RAC1: variants seen among roughly 807,000 people sequenced by gnomAD.
RAC1 encodes the protein ras-related C3 botulinum toxin substrate 1.
In RAC1, 2 loss-of-function variants were observed where a neutral mutation model predicts 25.2. That is an observed-to-expected ratio of 0.08 (90% CI 0.03 to 0.25). The LOEUF (loss-of-function observed/expected upper bound fraction) is 0.25, where lower values mean the gene tolerates loss of function less well. RAC1 is among the 10% of genes least tolerant of loss of function. The probability of loss-of-function intolerance (pLI) is 1.00; values close to 1 mark genes in which losing one functional copy is unlikely to be tolerated. For missense variants in RAC1, 50 were observed against 235.7 expected, an observed-to-expected ratio of 0.21 and a Z score of 5.16; for synonymous variants, 88 against 94.0, an observed-to-expected ratio of 0.94 and a Z score of 0.37.
At chr7:6,382,241 C>T (rs190136501) in intron 1 of RAC1, among the ~76,000 whole-genome samples, 2 of 152,262 alleles carry the variant, frequency 1.3e-5, no homozygotes, top group South Asian at 2.1e-4. Context: ...GTGATCCACC[C>T]GCCTTGGCCT....
chr7:6,401,380 T>C (rs910003774), intron 4 of RAC1, among the ~76,000 whole-genome samples: 2 of 152,208 alleles, frequency 1.3e-5, no homozygotes, highest in Non-Finnish European at 2.9e-5. Flanking sequence ...CCAGTCTCTT[T>C]CACAAACTTC....
chr7:6,381,647 G>T (rs1196531060), intron 1 of RAC1, among the ~76,000 whole-genome samples: 1 of 152,080 alleles, frequency 6.6e-6, no homozygotes, highest in Non-Finnish European at 1.5e-5. Flanking sequence ...CGCCCACCTT[G>T]CCCTCCTAAA....
intron 1 of RAC1, among the ~76,000 whole-genome samples, chr7:6,384,669 C>G (rs1007906319): frequency 2.6e-5 from 4 of 152,086 alleles, no homozygotes; most frequent in Non-Finnish European, 5.9e-5. Flanking sequence ...CAAGGTCTCC[C>G]TATGTTGCCC....
At chr7:6,384,072 T>C (rs1026559002) in intron 1 of RAC1, among the ~76,000 whole-genome samples, 1 of 151,922 alleles carries the variant, frequency 6.6e-6, no homozygotes, top group Non-Finnish European at 1.5e-5. Context: ...TGGGATTACA[T>C]GTGTGAGCCA....
intron 3 of RAC1, among the ~76,000 whole-genome samples, chr7:6,393,238 A>G (rs1783137396): frequency 6.6e-6 from 1 of 152,248 alleles, no homozygotes; most frequent in Non-Finnish European, 1.5e-5. Context: ...AGTCTGCTGT[A>G]TTAAAAATCA....
At chr7:6,380,756 A>G (rs1432270428) in intron 1 of RAC1, among the ~76,000 whole-genome samples, 1 of 152,186 alleles carries the variant, frequency 6.6e-6, no homozygotes, top group African/African-American at 2.4e-5. Flanking sequence ...ATTCTATGAC[A>G]GTATTTTGCT....
intron 3 of RAC1, among the ~76,000 whole-genome samples, chr7:6,395,408 A>G (rs550773124): frequency 3.9e-5 from 6 of 152,208 alleles, no homozygotes; most frequent in Non-Finnish European, 8.8e-5. Flanking sequence ...GCCAGAGAGC[A>G]CCAGGCACAC....
In RAC1 at chr7:6,387,301, G is replaced by A. The variant is rs557770932; in HGVS notation, c.107+18G>A. The stretch of plus-strand genomic sequence containing the variant: ...CCTACTGTGTAAGTATCTTAAATTG[G>A]GAATTAACCTGTTTGTGTTACGGGT... On this transcript the variant is annotated intron_variant, in intron 2 of 5. Coordinates refer to ENST00000348035, the MANE Select transcript of RAC1 (RefSeq NM_006908.5). 3.3e-6 allele frequency: 5 copies of A among 1,493,066 alleles called. No individual in the cohort carries two copies. The highest frequency in any genetic ancestry group is 3.6e-6 in the Non-Finnish European group (4 of 1,097,202). 92.5% of individuals were successfully genotyped at this position (1,493,066 alleles called of 1,614,324 possible).
chr7:6,379,637 T>C (rs1463492670), intron 1 of RAC1, among the ~76,000 whole-genome samples: 2 of 152,230 alleles, frequency 1.3e-5, no homozygotes, highest in African/African-American at 2.4e-5. Context: ...TTCGAACTCC[T>C]GACCTTAGGC....
At chr7:6,381,015 C>T (rs1011064982) in intron 1 of RAC1, among the ~76,000 whole-genome samples, 3 of 151,674 alleles carry the variant, frequency 2.0e-5, no homozygotes, top group Admixed American at 6.6e-5. Flanking sequence ...CTTACAGGCA[C>T]CCACCACCAT....
intron 1 of RAC1, among the ~76,000 whole-genome samples, chr7:6,383,139 A>G (rs555417063): frequency 2.0e-5 from 3 of 152,190 alleles, no homozygotes; most frequent in African/African-American, 7.2e-5. Context: ...GAAATTCCAA[A>G]GAAGTAGTAA....
intron 5 of RAC1, 120 bp from the exon 6 acceptor site, chr7:6,402,195 TG>T: frequency 6.8e-7 from 1 of 1,475,520 alleles, no homozygotes; most frequent in Non-Finnish European, 9.1e-7. Flanking sequence ...CGTTGGAAGG[TG>T]GAAGCAGGGC....
chr7:6,375,024 C>T (rs1172086735), intron 1 of RAC1, among the ~76,000 whole-genome samples: 1 of 151,774 alleles, frequency 6.6e-6, no homozygotes, highest in Non-Finnish European at 1.5e-5. Context: ...AAAGTGAACT[C>T]CACCCTCCGG....
intron 1 of RAC1, among the ~76,000 whole-genome samples, chr7:6,383,793 T>C (rs1782841482): frequency 1.3e-5 from 1 of 77,252 alleles, no homozygotes; most frequent in South Asian, 4.1e-4. Flanking sequence ...TCTTTTTTTT[T>C]TTTTTTTTTT....
Position 6,402,526 on chromosome 7 carries a change from A to AAAAAAAAAAAAC in RAC1, c.*83_*94dup, listed in dbSNP as rs1783441697. 6 of 703,932 alleles carry AAAAAAAAAAAAC rather than the reference A, an allele frequency of 8.5e-6. No homozygotes were observed. The highest frequency in any genetic ancestry group is 2.3e-5 in the African/African-American group (1 of 44,298). 43.6% of individuals were successfully genotyped at this position (703,932 alleles called of 1,614,324 possible). On this transcript the variant is annotated 3_prime_UTR_variant, in exon 6 of 6. Transcript: ENST00000348035. ...TCAAAAAAAAACAAAAAAAAAAAAC[A>AAAAAAAAAAAAC]AAAAAAAAAAACAACGGTGGAGCCT...
rs976621022 is a variant in RAC1 at position 6,403,621 on chromosome 7, TTAAACTATGAACC to T, written c.*1177_*1189del. On this transcript the variant is annotated 3_prime_UTR_variant, in exon 6 of 6. Coordinates refer to ENST00000348035, the MANE Select transcript of RAC1 (RefSeq NM_006908.5). ...GTTTTTAAAATATTTTAGATAATTCTTAAACTATGAACCTTCTTAACATCACTGTCTTGCCAGA... is the reference window on the plus strand; with the variant it reads ...GTTTTTAAAATATTTTAGATAATTCTTTCTTAACATCACTGTCTTGCCAGA... The T allele has an allele frequency of 1.4e-5, 3 of 212,846 alleles. No individual in the cohort carries two copies. The highest frequency in any genetic ancestry group is 6.8e-5 in the African/African-American group (3 of 44,236). 13.2% of individuals were successfully genotyped at this position (212,846 alleles called of 1,614,324 possible). A position where few individuals can be genotyped will look rare whatever the true frequency, so the allele number is the denominator to read the frequency against.
At chr7:6,376,925 A>T (rs1340432666) in intron 1 of RAC1, among the ~76,000 whole-genome samples, 1 of 151,908 alleles carries the variant, frequency 6.6e-6, no homozygotes. Context: ...TATCTAGTCA[A>T]ATAACTTGTT....
At chr7:6,398,928 ATCT>A (rs1783321827) in intron 3 of RAC1, among the ~76,000 whole-genome samples, 3 of 152,326 alleles carry the variant, frequency 2.0e-5, no homozygotes, top group South Asian at 2.1e-4. Flanking sequence ...GTGAACTGTG[ATCT>A]TCTCCTCCCA....
Position 6,403,161 on chromosome 7 carries a change from C to A in RAC1, c.*715C>A, listed in dbSNP as rs1020047318. The A allele has an allele frequency of 5.0e-4, 110 of 219,560 alleles. 1 individual carries two copies. The highest frequency in any genetic ancestry group is 2.3e-3 in the African/African-American group (104 of 44,516). 13.6% of individuals were successfully genotyped at this position (219,560 alleles called of 1,614,324 possible). A position where few individuals can be genotyped will look rare whatever the true frequency, so the allele number is the denominator to read the frequency against. ...GGTGTGTGTGATCAAAGGACAAAGA[C>A]AGTATTTTGACAAAATACGAAGTGG... On this transcript the variant is annotated 3_prime_UTR_variant, in exon 6 of 6. Coordinates refer to ENST00000348035, the MANE Select transcript of RAC1 (RefSeq NM_006908.5).
Sources: gnomAD v4.1 joint callset for allele counts (sites outside exome capture counted in the v4.1 genomes callset) on GRCh38, gnomAD v4.1.1 for gene constraint, MANE v1.5 for transcripts, NCBI Gene and HGNC (gene_info 2026-07-23, HGNC 2026-07-21) for gene names.